CLSTN2: variants seen among roughly 807,000 people sequenced by gnomAD.
The protein encoded by CLSTN2 is calsyntenin 2.
A neutral mutation model predicts 101.2 loss-of-function variants in CLSTN2; 48 were observed. That is an observed-to-expected ratio of 0.47 (90% CI 0.38 to 0.60). The LOEUF (loss-of-function observed/expected upper bound fraction) is 0.60, where lower values mean the gene tolerates loss of function less well. Among genes scored for constraint, CLSTN2 ranks in the 20% least tolerant of loss-of-function variants. The probability of loss-of-function intolerance (pLI) is 0.00; values close to 1 mark genes in which losing one functional copy is unlikely to be tolerated. For synonymous variants in CLSTN2, 481 were observed against 463.6 expected, an observed-to-expected ratio of 1.04 and a Z score of -0.48; for missense variants, 1,160 against 1,238.2, an observed-to-expected ratio of 0.94 and a Z score of 0.95.
At chr3:140,032,504 T>C (rs867709712) in intron 1 of CLSTN2, among the ~76,000 whole-genome samples, 1 of 152,154 alleles carries the variant, frequency 6.6e-6, no homozygotes, top group Non-Finnish European at 1.5e-5. Context: ...ATCTGGCTAA[T>C]TTTTGTATTT....
At chr3:140,545,573 A>G (rs992859803) in intron 9 of CLSTN2, among the ~76,000 whole-genome samples, 1 of 152,202 alleles carries the variant, frequency 6.6e-6, no homozygotes, top group African/African-American at 2.4e-5. Flanking sequence ...CCAGGCTGGG[A>G]AGGTTGCTCA....
intron 1 of CLSTN2, among the ~76,000 whole-genome samples, chr3:140,025,694 A>G (rs1446342664): frequency 6.6e-6 from 1 of 152,236 alleles, no homozygotes; most frequent in Non-Finnish European, 1.5e-5. Flanking sequence ...ATTTAAAAGA[A>G]GATTTTGGCA....
intron 1 of CLSTN2, among the ~76,000 whole-genome samples, chr3:140,053,799 A>T (rs2008046862): frequency 6.6e-6 from 1 of 152,112 alleles, no homozygotes; most frequent in South Asian, 2.1e-4. Flanking sequence ...AATCAATAAC[A>T]CCTATCTCAG....
chr3:140,176,086 CT>C lies in CLSTN2; in HGVS notation c.232+15del, dbSNP rs769577663. 5.6e-6 allele frequency: 9 copies of C among 1,613,300 alleles called. No homozygotes were observed. The highest frequency in any genetic ancestry group is 7.6e-6 in the Non-Finnish European group (9 of 1,179,552). Reference sequence around the variant, plus strand: ...GTTCCTTTTGCAGGTGAGATTATGGCTTCGTACGGCTGGGCCTGGCTCACTT... The same window carrying C: ...GTTCCTTTTGCAGGTGAGATTATGGCTCGTACGGCTGGGCCTGGCTCACTT... On this transcript the variant is annotated intron_variant, in intron 2 of 16. Coordinates refer to ENST00000458420, the MANE Select transcript of CLSTN2 (RefSeq NM_022131.3).
At chr3:140,248,176 T>C (rs2086532383) in intron 2 of CLSTN2, among the ~76,000 whole-genome samples, 1 of 152,186 alleles carries the variant, frequency 6.6e-6, no homozygotes, top group Non-Finnish European at 1.5e-5. Flanking sequence ...GCTGTGTCCA[T>C]TTCCTGCGCA....
chr3:140,242,526 A>G (rs981815180), intron 2 of CLSTN2, among the ~76,000 whole-genome samples: 4 of 152,250 alleles, frequency 2.6e-5, no homozygotes, highest in Non-Finnish European at 4.4e-5. Context: ...CCAGAGCCCA[A>G]GGAAGTTAAC....
At chr3:140,433,504 G>A (rs769640234) in intron 5 of CLSTN2, among the ~76,000 whole-genome samples, 22 of 152,226 alleles carry the variant, frequency 1.4e-4, no homozygotes, top group Admixed American at 5.2e-4. Flanking sequence ...TCCACTGACA[G>A]TTCTTTGAAA....
At chr3:140,172,627 C>G (rs1272144426) in intron 1 of CLSTN2, among the ~76,000 whole-genome samples, 2 of 152,118 alleles carry the variant, frequency 1.3e-5, no homozygotes, top group African/African-American at 4.8e-5. Context: ...AAGACATACT[C>G]AAGACTAGGC....
intron 1 of CLSTN2, among the ~76,000 whole-genome samples, chr3:140,084,368 A>T (rs2008646385): frequency 6.6e-6 from 1 of 152,198 alleles, no homozygotes; most frequent in Non-Finnish European, 1.5e-5. Flanking sequence ...GAATAGGAAC[A>T]TGAGGTCCTT....
intron 2 of CLSTN2, among the ~76,000 whole-genome samples, chr3:140,201,171 G>T (rs1219874309): frequency 6.6e-6 from 1 of 152,214 alleles, no homozygotes; most frequent in Non-Finnish European, 1.5e-5. Context: ...ATACAAGAGA[G>T]CACTGTGTTG....
At position 140,403,894 on chromosome 3, in the gene CLSTN2, C is replaced by T. The variant is rs2088273144; in HGVS notation, c.428+70C>T. On this transcript the variant is annotated intron_variant, in intron 3 of 16. Coordinates refer to ENST00000458420, the MANE Select transcript of CLSTN2 (RefSeq NM_022131.3). ...CCCACCCCACTTCATTCACATGCTG[C>T]TCTTCAGATATGTTTACCCTCTTGT... The T allele has an allele frequency of 4.8e-6, 6 of 1,253,384 alleles. No individual in the cohort carries two copies. In the South Asian group the frequency reaches 8.3e-5, roughly 17 times the overall value. 77.6% of individuals were successfully genotyped at this position (1,253,384 alleles called of 1,614,324 possible). A position where few individuals can be genotyped will look rare whatever the true frequency, so the allele number is the denominator to read the frequency against.
Position 140,421,292 on chromosome 3 carries a change from G to A in CLSTN2, c.787+18G>A. ...CTGGCAAGGTGGGCCTGTTTTATCA[G>A]TCTTGTGTGAAGGCAGCATGGTCTG... On this transcript the variant is annotated intron_variant, in intron 5 of 16. Coordinates refer to ENST00000458420, the MANE Select transcript of CLSTN2 (RefSeq NM_022131.3). The A allele has an allele frequency of 3.1e-6, 5 of 1,613,828 alleles. No individual in the cohort carries two copies.
At chr3:140,529,015 A>G (rs116366178) in intron 8 of CLSTN2, among the ~76,000 whole-genome samples, 191 of 152,346 alleles carry the variant, frequency 1.3e-3, no homozygotes, top group African/African-American at 4.5e-3. Flanking sequence ...CTGCATTCAA[A>G]AACACCTGAT....
intron 1 of CLSTN2, among the ~76,000 whole-genome samples, chr3:140,034,680 G>C (rs1031394059): frequency 3.3e-5 from 5 of 152,352 alleles, no homozygotes; most frequent in African/African-American, 1.2e-4. Context: ...GAAGCAGGGA[G>C]GGCGGGGAGG....
intron 1 of CLSTN2, among the ~76,000 whole-genome samples, chr3:140,171,681 ATATAAT>A (rs1165657672): frequency 1.9e-3 from 14 of 7,556 alleles, no homozygotes; most frequent in Non-Finnish European, 2.7e-3. Context: ...TATGTATTAT[ATATAAT>A]ATATATTAAT....
chr3:140,077,133 A>G (rs1257553328), intron 1 of CLSTN2, among the ~76,000 whole-genome samples: 4 of 152,234 alleles, frequency 2.6e-5, no homozygotes, highest in African/African-American at 9.6e-5. Flanking sequence ...AGAAACAAAC[A>G]AGCAAAAAAA....
At position 140,562,209 on chromosome 3, in the gene CLSTN2, GA is replaced by G. The variant is rs1044030160; in HGVS notation, c.2114del (p.Asp705AlafsTer38). 1 of 1,613,980 alleles carries G rather than the reference GA, an allele frequency of 6.2e-7. No individual in the cohort carries two copies. ...CTGTGACATTTTGGTGATCGGAGGG[GA>G]CTTGGACCCAAGGCAGGAGTGCTTG... ...DFCDILVIGGDLDPRQECLEL... is the reference protein window; with the variant it reads ...DFCDILVIGGXLDPRQECLEL... On this transcript the variant is annotated frameshift_variant, in exon 13 of 17. Transcript: ENST00000458420. LOFTEE classifies it high-confidence loss of function.
chr3:140,124,038 G>C (rs2009389948), intron 1 of CLSTN2, among the ~76,000 whole-genome samples: 1 of 152,052 alleles, frequency 6.6e-6, no homozygotes, highest in Non-Finnish European at 1.5e-5. Flanking sequence ...CATGAAGAGA[G>C]AGACAATTTT....
At chr3:140,506,650 A>G (rs7615158) in intron 8 of CLSTN2, 10,930 of 150,216 alleles carry the variant, frequency 0.073, 424 homozygotes, top group Non-Finnish European at 0.094. Flanking sequence ...TTGTGCACCT[A>G]CCTCATACCT....
Sources: allele counts gnomAD v4.1 joint callset (sites outside exome capture counted in the v4.1 genomes callset), GRCh38; gene constraint gnomAD v4.1.1; transcripts MANE v1.5; gene names NCBI Gene and HGNC (gene_info 2026-07-23, HGNC 2026-07-21).